SEC24D: variants seen among roughly 807,000 people sequenced by gnomAD.
SEC24D encodes the protein SEC24 homolog D, COPII component.
A neutral mutation model predicts 116.9 loss-of-function variants in SEC24D; 69 were observed. That is an observed-to-expected ratio of 0.59 (90% confidence interval 0.49 to 0.72). The LOEUF (loss-of-function observed/expected upper bound fraction) is 0.72, where lower values mean the gene tolerates loss of function less well. Among genes scored for constraint, SEC24D ranks in the 30% least tolerant of loss-of-function variants. SEC24D has a pLI of 0.00. For missense variants in SEC24D, 1,131 were observed against 1,264.1 expected (o/e 0.89, Z 1.60); for synonymous variants, 405 against 442.8 (o/e 0.91, Z 1.07).
chr4:118,780,967 C>T (rs1406876800), intron 8 of SEC24D, among the ~76,000 whole-genome samples: 6 of 126,960 alleles, frequency 4.7e-5, no homozygotes, highest in Admixed American at 2.9e-4. Context: ...TCCTCCATCC[C>T]TTTATTTTGA....
At chr4:118,785,752 A>G (rs950820388) in intron 8 of SEC24D, among the ~76,000 whole-genome samples, 2 of 152,216 alleles carry the variant, frequency 1.3e-5, no homozygotes, top group Non-Finnish European at 2.9e-5. Flanking sequence ...CCATCTACAT[A>G]TGAATATAAA....
intron 11 of SEC24D, among the ~76,000 whole-genome samples, chr4:118,757,153 T>C (rs189841816): frequency 1.3e-5 from 2 of 152,312 alleles, no homozygotes; most frequent in Admixed American, 1.3e-4. Flanking sequence ...TATGTTCATC[T>C]GTTAGTTATT....
At chr4:118,815,240 A>G in intron 5 of SEC24D, 85 bp from the exon 6 acceptor site, 1 of 1,499,274 alleles carries the variant, frequency 6.7e-7, no homozygotes, top group Non-Finnish European at 9.1e-7. Context: ...CTGTTCAGTC[A>G]AGCATGTTGT....
chr4:118,802,570 TG>T (rs1483688222), intron 7 of SEC24D, among the ~76,000 whole-genome samples: 2 of 152,192 alleles, frequency 1.3e-5, no homozygotes, highest in African/African-American at 4.8e-5. Context: ...GGGCCAACTT[TG>T]GGGCTCCATA....
chr4:118,738,594 T>C (rs1726083165), intron 18 of SEC24D, among the ~76,000 whole-genome samples: 1 of 152,114 alleles, frequency 6.6e-6, no homozygotes, highest in South Asian at 2.1e-4. Context: ...CAGCAAAAGG[T>C]TATATTGGCC....
intron 19 of SEC24D, among the ~76,000 whole-genome samples, chr4:118,737,409 G>A (rs1197230038): frequency 6.6e-6 from 1 of 152,114 alleles, no homozygotes; most frequent in Non-Finnish European, 1.5e-5. Flanking sequence ...AAGTGTGTTT[G>A]TTTTCTTTCT....
At position 118,731,491 on chromosome 4, in the gene SEC24D, T is replaced by C. The variant is rs764869843; in HGVS notation, c.2693A>G (p.Lys898Arg). 39 of 1,613,958 alleles carry C rather than the reference T, an allele frequency of 2.4e-5. No homozygotes were observed. The highest frequency in any genetic ancestry group is 3.2e-5 in the Non-Finnish European group (38 of 1,179,974). The change falls in exon 21 of 23, where the codon AAG (lysine) becomes AGG (arginine). Residue 898 changes from lysine to arginine, a missense_variant. Coordinates refer to ENST00000280551, the MANE Select transcript of SEC24D (RefSeq NM_014822.4). ...QLLPIHTLDVKSTMLPAAVRC... is the reference protein window; with the variant it reads ...QLLPIHTLDVRSTMLPAAVRC... ...AACGGCAGCAGGTAACATTGTACTC[T>C]TGACATCTAACGTGTGCTGGGCAGG...
intron 7 of SEC24D, among the ~76,000 whole-genome samples, chr4:118,798,731 C>A (rs144561299): frequency 4.8e-4 from 73 of 152,278 alleles, no homozygotes; most frequent in Non-Finnish European, 9.6e-4. Flanking sequence ...AAGTGGCAGG[C>A]AGATTGCAAT....
At chr4:118,733,244 G>GT (rs34557737) in intron 19 of SEC24D, 42,750 of 162,162 alleles carry the variant, frequency 0.26, 6,002 homozygotes, top group East Asian at 0.43. Context: ...TTTTCTCAGT[G>GT]TTTTTTTTTT....
At chr4:118,819,205 CTTTTT>C (rs879675531) in intron 3 of SEC24D, among the ~76,000 whole-genome samples, 8 of 152,082 alleles carry the variant, frequency 5.3e-5, no homozygotes, top group Non-Finnish European at 7.4e-5. Flanking sequence ...AACATTTCTT[CTTTTT>C]AAGAAATAAT....
At chr4:118,771,347 G>A (rs1267642572) in intron 8 of SEC24D, among the ~76,000 whole-genome samples, 1 of 152,086 alleles carries the variant, frequency 6.6e-6, no homozygotes, top group African/African-American at 2.4e-5. Context: ...CTGTTCTTAA[G>A]TGGAAAAGTG....
At chr4:118,792,316 G>T (rs1728961022) in intron 8 of SEC24D, among the ~76,000 whole-genome samples, 1 of 148,722 alleles carries the variant, frequency 6.7e-6, no homozygotes, top group African/African-American at 2.5e-5. Flanking sequence ...GGGAGGTGGG[G>T]GGGCGCCTCT....
intron 2 of SEC24D, among the ~76,000 whole-genome samples, chr4:118,828,959 C>T (rs555530661): frequency 1.1e-4 from 17 of 152,308 alleles, no homozygotes; most frequent in South Asian, 8.3e-4. Flanking sequence ...AACTGCTTCC[C>T]GACCTGGCCA....
At chr4:118,826,553 T>C (rs895895094) in intron 2 of SEC24D, among the ~76,000 whole-genome samples, 1 of 152,152 alleles carries the variant, frequency 6.6e-6, no homozygotes, top group Non-Finnish European at 1.5e-5. Flanking sequence ...ACAGTAGCAT[T>C]AAAATATTTT....
chr4:118,781,818 T>G (rs1728425131), intron 8 of SEC24D, among the ~76,000 whole-genome samples: 1 of 151,930 alleles, frequency 6.6e-6, no homozygotes, highest in Non-Finnish European at 1.5e-5. Flanking sequence ...AACTTCTCAC[T>G]TTATTTCATT....
intron 7 of SEC24D, among the ~76,000 whole-genome samples, chr4:118,804,981 C>T (rs766051328): frequency 2.6e-5 from 4 of 151,478 alleles, no homozygotes; most frequent in South Asian, 2.1e-4. Flanking sequence ...TCTGCAGAGC[C>T]GGTCTTAGTC....
At chr4:118,795,555 T>C (rs1260466890) in intron 8 of SEC24D, among the ~76,000 whole-genome samples, 1 of 152,120 alleles carries the variant, frequency 6.6e-6, no homozygotes, top group African/African-American at 2.4e-5. Context: ...GCTCATACAA[T>C]GAATTGCACT....
intron 15 of SEC24D, among the ~76,000 whole-genome samples, chr4:118,743,529 T>TAA (rs1342643848): frequency 6.6e-6 from 1 of 152,132 alleles, no homozygotes; most frequent in Non-Finnish European, 1.5e-5. Flanking sequence ...GTAGGTTACT[T>TAA]ATTTTTAAAT....
intron 7 of SEC24D, among the ~76,000 whole-genome samples, chr4:118,801,855 GGTC>G (rs1451900582): frequency 6.6e-6 from 1 of 152,214 alleles, no homozygotes; most frequent in Non-Finnish European, 1.5e-5. Flanking sequence ...GGGCATAAAA[GGTC>G]TGGCTACCGT....
Sources: allele counts gnomAD v4.1 joint callset (sites outside exome capture counted in the v4.1 genomes callset), GRCh38; gene constraint gnomAD v4.1.1; transcripts MANE v1.5; gene names NCBI Gene and HGNC (gene_info 2026-07-23, HGNC 2026-07-21).